Variants in POU2F3 observed in about 807,000 individuals in gnomAD.
POU2F3 encodes POU domain, class 2, transcription factor 3.
In POU2F3, 23 loss-of-function variants were observed where a neutral mutation model predicts 59.2. That is an observed-to-expected ratio of 0.39 (90% CI 0.28 to 0.55). The LOEUF is 0.55. POU2F3 is among the 20% of genes least tolerant of loss of function. The probability of loss-of-function intolerance (pLI) is 0.66; values close to 1 mark genes in which losing one functional copy is unlikely to be tolerated. For synonymous variants in POU2F3, 190 were observed against 214.6 expected (o/e 0.89, Z 1.00); for missense variants, 473 against 544.5 (o/e 0.87, Z 1.31).
rs1941091348 is a variant in POU2F3, at chr11:120,293,376, C to T, written c.133-4889C>T. Reference sequence around the variant, plus strand: ...CTTGGGGTACTTTCAGCCCTGTTCACTTGAGAGGAGTTACCCATCTGCCCC... The same window carrying T: ...CTTGGGGTACTTTCAGCCCTGTTCATTTGAGAGGAGTTACCCATCTGCCCC... On this transcript the variant is annotated intron_variant, in intron 3 of 12. Transcript: ENST00000543440. Among the ~76,000 whole-genome samples, 4 of 152,314 alleles carry T rather than the reference C, an allele frequency of 2.6e-5. No homozygotes were observed. The South Asian group carries it at 8.3e-4, about 32-fold the overall frequency.
intron 3 of POU2F3, among the ~76,000 whole-genome samples, chr11:120,270,327 G>C (rs1014135381): frequency 1.3e-5 from 2 of 152,152 alleles, no homozygotes; most frequent in African/African-American, 4.8e-5. Flanking sequence ...GAGAGGGACA[G>C]ACTTACTCTT....
chr11:120,248,558 C>A (rs920068773), intron 2 of POU2F3, among the ~76,000 whole-genome samples: 1 of 152,106 alleles, frequency 6.6e-6, no homozygotes, highest in African/African-American at 2.4e-5. Flanking sequence ...GTGCATCAGC[C>A]CGGAAGGTTG....
intron 2 of POU2F3, among the ~76,000 whole-genome samples, chr11:120,255,664 C>G (rs943378595): frequency 6.6e-6 from 1 of 152,128 alleles, no homozygotes; most frequent in African/African-American, 2.4e-5. Context: ...CTTCCCACCC[C>G]ATCTCCACGG....
chr11:120,289,766 T>C (rs1257283203), intron 3 of POU2F3, among the ~76,000 whole-genome samples: 1 of 152,206 alleles, frequency 6.6e-6, no homozygotes, highest in Non-Finnish European at 1.5e-5. Context: ...GGACTTTTCT[T>C]CCGAGAGCCT....
Position 120,269,143 on chromosome 11 carries a change from T to A in POU2F3, c.98-67T>A, listed in dbSNP as rs148363578. The A allele has an allele frequency of 1.1e-3, 1,513 of 1,339,910 alleles. 12 individuals are homozygous for A. The African/African-American group carries it at 0.02, about 17-fold the overall frequency. The allele number at this position is 1,339,910 out of a possible 1,614,324, so 83.0% of individuals were successfully genotyped here. ...CCACACGCCTCTCAACATCCTAGTT[T>A]TTTTCTAACCTTCAGCTCTTCCAAA... On this transcript the variant is annotated intron_variant, in intron 2 of 12. Coordinates refer to ENST00000543440, the MANE Select transcript of POU2F3 (RefSeq NM_014352.4).
chr11:120,274,108 A>AAAGAAAGGAAGG (rs1555073792), intron 3 of POU2F3, among the ~76,000 whole-genome samples: 3 of 116,156 alleles, frequency 2.6e-5, no homozygotes, highest in South Asian at 6.1e-4. Context: ...AGGAAGGAAG[A>AAAGAAAGGAAGG]AAGGAAGGAA....
intron 11 of POU2F3, among the ~76,000 whole-genome samples, chr11:120,316,074 A>T (rs1298402677): frequency 1.3e-5 from 2 of 151,944 alleles, no homozygotes; most frequent in Non-Finnish European, 2.9e-5. Flanking sequence ...GGGTTTCTCC[A>T]TGTTGGTCAG....
rs191056411 is a variant in POU2F3, at chr11:120,273,386, G to A, written c.132+4142G>A. Among the ~76,000 whole-genome samples the A allele has an allele frequency of 2.9e-3, 443 of 152,330 alleles. 3 individuals carry two copies. The highest frequency in any genetic ancestry group is 9.9e-3 in the African/African-American group (410 of 41,578). On this transcript the variant is annotated intron_variant, in intron 3 of 12. Coordinates refer to ENST00000543440, the MANE Select transcript of POU2F3 (RefSeq NM_014352.4). ...CTAAGGATATTACAGAAGAGATGGTGTCTGAAGTGGGTGGTGAGGGAAGAG... is the reference window on the plus strand; with the variant it reads ...CTAAGGATATTACAGAAGAGATGGTATCTGAAGTGGGTGGTGAGGGAAGAG...
At chr11:120,269,342 G>T in intron 3 of POU2F3, 98 bp downstream of exon 3, 1 of 1,082,140 alleles carries the variant, frequency 9.2e-7, no homozygotes, top group Non-Finnish European at 1.4e-6. Context: ...TACAGTTTGG[G>T]GGTGTTTATT....
intron 12 of POU2F3, 46 bp from the exon 13 acceptor site, chr11:120,318,307 G>A (rs747721645): frequency 1.9e-5 from 29 of 1,544,506 alleles, no homozygotes; most frequent in Admixed American, 1.5e-4. Context: ...CCCATCTTAC[G>A]CCATCACATT....
chr11:120,318,507 A>G lies in POU2F3; in HGVS notation c.*115A>G. 2.8e-6 allele frequency: 3 copies of G among 1,069,862 alleles called. No individual in the cohort carries two copies. The highest frequency in any genetic ancestry group is 2.7e-5 in the South Asian group (2 of 73,970). The allele number at this position is 1,069,862 out of a possible 1,614,324, so 66.3% of individuals were successfully genotyped here. ...AGAAGAGTGGAAGAAAATCTCCACT[A>G]TCAATGAACCCAGACTCTTGTCTTC... On this transcript the variant is annotated 3_prime_UTR_variant, in exon 13 of 13. Coordinates refer to ENST00000543440, the MANE Select transcript of POU2F3 (RefSeq NM_014352.4).
In POU2F3 at chr11:120,273,884, G is replaced by A. The variant is rs948814388; in HGVS notation, c.132+4640G>A. Among the ~76,000 whole-genome samples the A allele has an allele frequency of 7.6e-4, 115 of 152,192 alleles. 1 individual carries two copies. The highest frequency in any genetic ancestry group is 2.7e-3 in the African/African-American group (112 of 41,528). ...ATACAAAAATTAGCTGGGTGTGGTG[G>A]CAGGTGCCTGTAATCCCAGCTACTC... On this transcript the variant is annotated intron_variant, in intron 3 of 12. Coordinates refer to ENST00000543440, the MANE Select transcript of POU2F3 (RefSeq NM_014352.4).
chr11:120,255,762 C>T (rs1769006333), intron 2 of POU2F3, among the ~76,000 whole-genome samples: 1 of 152,050 alleles, frequency 6.6e-6, no homozygotes, highest in South Asian at 2.1e-4. Flanking sequence ...GCTGGGTCTC[C>T]GTCCCTTCCT....
At chr11:120,264,756 G>A (rs1939755362) in intron 2 of POU2F3, among the ~76,000 whole-genome samples, 1 of 152,160 alleles carries the variant, frequency 6.6e-6, no homozygotes, top group Non-Finnish European at 1.5e-5. Context: ...GCTTGGTGGT[G>A]ATGGAGCTCA....
chr11:120,239,581 G>A (rs956681619), upstream of POU2F3, among the ~76,000 whole-genome samples: 3 of 152,126 alleles, frequency 2.0e-5, no homozygotes, highest in Non-Finnish European at 2.9e-5. Flanking sequence ...ACTGCACCCC[G>A]TCTAAATCCC....
At chr11:120,275,785 C>T (rs2135216239) in intron 3 of POU2F3, among the ~76,000 whole-genome samples, 1 of 152,332 alleles carries the variant, frequency 6.6e-6, no homozygotes, top group African/African-American at 2.4e-5. Flanking sequence ...ATGGCTCTCC[C>T]ATGCCTGTTT....
intron 5 of POU2F3, 82 bp from the exon 6 acceptor site, chr11:120,302,204 G>A (rs373829955): frequency 2.0e-5 from 25 of 1,233,322 alleles, no homozygotes; most frequent in East Asian, 7.3e-5. Context: ...GACAGTGATC[G>A]TGGTGCCAAA....
At chr11:120,266,839 A>G (rs986186045) in intron 2 of POU2F3, among the ~76,000 whole-genome samples, 3 of 152,204 alleles carry the variant, frequency 2.0e-5, no homozygotes, top group Non-Finnish European at 4.4e-5. Context: ...TGTCTTCTCA[A>G]CTAGAAAAGA....
At chr11:120,283,772 C>CATGT (rs1555075901) in intron 3 of POU2F3, among the ~76,000 whole-genome samples, 2 of 130,446 alleles carry the variant, frequency 1.5e-5, no homozygotes, top group African/African-American at 5.8e-5. Flanking sequence ...TAATAGGCTT[C>CATGT]GTGTGTGTGT....
Sources: allele counts gnomAD v4.1 joint callset (sites outside exome capture counted in the v4.1 genomes callset), GRCh38; gene constraint gnomAD v4.1.1; transcripts MANE v1.5; gene names NCBI Gene and HGNC (gene_info 2026-07-23, HGNC 2026-07-21).